The following PCDHAC1 variants were observed in gnomAD, a reference collection of about 807,000 sequenced individuals.
PCDHAC1 encodes the protein protocadherin alpha-C1.
A neutral mutation model predicts 60.0 loss-of-function variants in PCDHAC1; 42 were observed. The ratio of observed to expected loss-of-function variants is 0.70; its 90% confidence interval spans 0.55 to 0.90. PCDHAC1 has a LOEUF of 0.90. Ranked by LOEUF, PCDHAC1 falls within the 40% of genes least tolerant of loss-of-function variation. The pLI, the probability that PCDHAC1 is intolerant of heterozygous loss-of-function variation, is 0.00. For missense variants in PCDHAC1, 1,160 were observed against 1,222.3 expected (o/e 0.95, Z 0.76); for synonymous variants, 468 against 499.3 (o/e 0.94, Z 0.84).
intron 1 of PCDHAC1, among the ~76,000 whole-genome samples, chr5:140,965,277 G>A (rs1209263426): frequency 6.6e-6 from 1 of 152,196 alleles, no homozygotes; most frequent in African/African-American, 2.4e-5. Context: ...CAATGACACA[G>A]CATGGAAAGA....
intron 1 of PCDHAC1, chr5:140,967,312 A>G (rs1554229425): frequency 5.0e-6 from 8 of 1,611,226 alleles, no homozygotes; most frequent in Admixed American, 1.7e-5. Context: ...CCAACTCAGT[A>G]CAGACCTACG....
At chr5:140,969,180 C>T in intron 1 of PCDHAC1, 1 of 1,614,110 alleles carries the variant, frequency 6.2e-7, no homozygotes, top group Non-Finnish European at 8.5e-7. Context: ...GGGAGTGACA[C>T]TTTCATGTTT....
At chr5:140,934,660 C>T (rs139449604) in intron 1 of PCDHAC1, among the ~76,000 whole-genome samples, 2 of 152,152 alleles carry the variant, frequency 1.3e-5, no homozygotes, top group African/African-American at 2.4e-5. Flanking sequence ...TGATTCTTCC[C>T]CTTTGTTTAG....
At chr5:140,998,148 A>G (rs1229553205) in intron 3 of PCDHAC1, among the ~76,000 whole-genome samples, 10 of 152,234 alleles carry the variant, frequency 6.6e-5, no homozygotes, top group Admixed American at 6.5e-4. Flanking sequence ...TGTACTGAAC[A>G]GTTAAGCCAT....
At position 140,928,542 on chromosome 5, in the gene PCDHAC1, C is replaced by A; in HGVS notation, c.1650C>A (p.Asp550Glu). 1 of 1,614,158 alleles carries A rather than the reference C, an allele frequency of 6.2e-7. No individual in the cohort carries two copies. Among genetic ancestry groups the A allele is most frequent in the Non-Finnish European group, 8.5e-7 (1 of 1,180,024 alleles). ...ACTTGTTTGTGGTAGATAGGAATGA[C>A]AATTATCCGGTTATCTTGTTTCCCT... ...TINLFVVDRN[D>E]NYPVILFPLP... The change falls in exon 1 of 4, where the codon GAC becomes GAA. Residue 550 changes from aspartate (D) to glutamate (E), a missense_variant. By Grantham distance (45) the Asp-to-Glu change is conservative (BLOSUM62 2). Transcript: ENST00000253807.
At chr5:140,984,547 C>T (rs1554246370) in intron 3 of PCDHAC1, among the ~76,000 whole-genome samples, 2 of 152,118 alleles carry the variant, frequency 1.3e-5, no homozygotes, top group Non-Finnish European at 2.9e-5. Context: ...CTGGATAGAG[C>T]TTACATCTTC....
intron 1 of PCDHAC1, chr5:140,968,110 G>A: frequency 1.2e-6 from 2 of 1,614,172 alleles, no homozygotes; most frequent in Non-Finnish European, 1.7e-6. Context: ...GAATACCGCA[G>A]CTCACATCCC....
chr5:140,982,331 G>A lies in PCDHAC1; in HGVS notation c.2493-144G>A, dbSNP rs1422921231. On this transcript the variant is annotated intron_variant, in intron 2 of 3. Coordinates refer to ENST00000253807, the MANE Select transcript of PCDHAC1 (RefSeq NM_018898.5). ...GCAGTTTATGCAGGGTGACTGCTCA[G>A]CAGTAATTGCTTCAGTTCAAGCATG... The A allele has an allele frequency of 6.3e-6, 9 of 1,431,750 alleles. No individual in the cohort carries two copies. In the Admixed American group the frequency reaches 1.6e-4, roughly 26 times the overall value. 88.7% of individuals were successfully genotyped at this position (1,431,750 alleles called of 1,614,324 possible).
intron 1 of PCDHAC1, chr5:140,969,244 G>C: frequency 6.2e-7 from 1 of 1,614,206 alleles, no homozygotes; most frequent in Non-Finnish European, 8.5e-7. Flanking sequence ...AAGCAGCAGT[G>C]ACTGACAGCA....
At chr5:140,978,897 G>A in intron 1 of PCDHAC1, 52 bp from the exon 2 acceptor site, 2 of 1,612,776 alleles carry the variant, frequency 1.2e-6, no homozygotes, top group South Asian at 1.1e-5. Flanking sequence ...AGCATTCCTG[G>A]GAGAACATTG....
chr5:140,966,161 CT>C, intron 1 of PCDHAC1: 1 of 175,442 alleles, frequency 5.7e-6, no homozygotes. Context: ...GCTTGGAGAT[CT>C]TTTCCTGGGG....
intron 3 of PCDHAC1, among the ~76,000 whole-genome samples, chr5:141,007,673 A>C (rs2098339698): frequency 6.6e-6 from 1 of 152,136 alleles, no homozygotes; most frequent in African/African-American, 2.4e-5. Flanking sequence ...ACAAAGACAA[A>C]AGTTATCCTA....
At chr5:140,941,210 T>TCTTCCTTTCTTTCTTC (rs2092851427) in intron 1 of PCDHAC1, among the ~76,000 whole-genome samples, 1 of 100,630 alleles carries the variant, frequency 9.9e-6, no homozygotes, top group South Asian at 2.9e-4. Context: ...TTCCTTTCTT[T>TCTTCCTTTCTTTCTTC]CTTCCTTTCT....
chr5:140,938,062 A>G (rs2091901426), intron 1 of PCDHAC1, among the ~76,000 whole-genome samples: 1 of 152,176 alleles, frequency 6.6e-6, no homozygotes, highest in Non-Finnish European at 1.5e-5. Context: ...ATATACTGTC[A>G]TGCTATTCCC....
Position 140,968,677 on chromosome 5 carries a change from G to A in PCDHAC1, c.2434-10272G>A, listed in dbSNP as rs781795184. The A allele has an allele frequency of 5.0e-6, 8 of 1,614,156 alleles. No individual in the cohort carries two copies. In the South Asian group the frequency reaches 8.8e-5, roughly 18 times the overall value. ...ACCTGGACCTCTTTAAGGTAGAGCTGCACACAGGAGAAATTAGGACTACCA... is the reference window on the plus strand; with the variant it reads ...ACCTGGACCTCTTTAAGGTAGAGCTACACACAGGAGAAATTAGGACTACCA... On this transcript the variant is annotated intron_variant, in intron 1 of 3. Coordinates refer to ENST00000253807, the MANE Select transcript of PCDHAC1 (RefSeq NM_018898.5).
In PCDHAC1 at chr5:140,981,860, A is replaced by C. The variant is rs377325751; in HGVS notation, c.2493-615A>C. On this transcript the variant is annotated intron_variant, in intron 2 of 3. Coordinates refer to ENST00000253807, the MANE Select transcript of PCDHAC1 (RefSeq NM_018898.5). ...TCCCAGTTTGTATCTCACTCCCAGC[A>C]ATGTTTTATGCTGAATTAATCTCTT... Among the ~76,000 whole-genome samples the C allele has an allele frequency of 1.1e-3, 166 of 152,246 alleles. 1 individual carries two copies. The highest frequency in any genetic ancestry group is 3.9e-3 in the African/African-American group (160 of 41,532).
intron 1 of PCDHAC1, among the ~76,000 whole-genome samples, chr5:140,977,466 T>A (rs1554238584): frequency 2.0e-5 from 3 of 152,246 alleles, no homozygotes; most frequent in African/African-American, 4.8e-5. Context: ...ATTTGGTCTG[T>A]AGATAATTTT....
chr5:140,985,739 C>CTTTT (rs11372071), intron 3 of PCDHAC1, among the ~76,000 whole-genome samples: 9 of 117,918 alleles, frequency 7.6e-5, no homozygotes, highest in East Asian at 2.5e-4. Flanking sequence ...TGATGAATTC[C>CTTTT]TTTTTTTTTT....
At chr5:140,943,200 G>A (rs2093432800) in intron 1 of PCDHAC1, among the ~76,000 whole-genome samples, 1 of 140,910 alleles carries the variant, frequency 7.1e-6, no homozygotes, top group Non-Finnish European at 1.5e-5. Context: ...GGAGGCTGCA[G>A]TAAGCCAAGA....
Sources: gnomAD v4.1 joint callset for allele counts (sites outside exome capture counted in the v4.1 genomes callset) on GRCh38, gnomAD v4.1.1 for gene constraint, MANE v1.5 for transcripts, NCBI Gene and HGNC (gene_info 2026-07-23, HGNC 2026-07-21) for gene names.